CD300A: variants seen among roughly 807,000 people sequenced by gnomAD.
The protein encoded by CD300A is CMRF35-like molecule 8.
In CD300A, 22 loss-of-function variants were observed where a neutral mutation model predicts 33.6. That is an observed-to-expected ratio of 0.66 (90% CI 0.47 to 0.94). The LOEUF (loss-of-function observed/expected upper bound fraction) is 0.94. Among genes scored for constraint, CD300A ranks in the 40% least tolerant of loss-of-function variants. The pLI is 0.00. For missense variants in CD300A, 326 were observed against 360.5 expected, an observed-to-expected ratio of 0.90 and a Z score of 0.77; for synonymous variants, 136 against 148.1, an observed-to-expected ratio of 0.92 and a Z score of 0.59.
rs538156653 is a variant in CD300A, at chr17:74,472,629, A to T, written c.41-907A>T. Among the ~76,000 whole-genome samples the T allele has an allele frequency of 1.7e-4, 24 of 140,296 alleles. No homozygotes were observed. In the East Asian group the frequency reaches 4.5e-3, roughly 26 times the overall value. The allele number at this position is 140,296 out of a possible 152,430, so 92.0% of individuals were successfully genotyped here. On this transcript the variant is annotated intron_variant, in intron 1 of 6. Transcript: ENST00000360141. Reference sequence around the variant, plus strand: ...TTGTGACTCTTTTTTTTTTTTTTTGAGACAGAGTCTCACCCTGTCACTCAG... The same window carrying T: ...TTGTGACTCTTTTTTTTTTTTTTTGTGACAGAGTCTCACCCTGTCACTCAG...
Position 74,474,579 on chromosome 17 carries a change from A to G in CD300A, c.427A>G (p.Thr143Ala), listed in dbSNP as rs753800485. 37 of 1,614,074 alleles carry G rather than the reference A, an allele frequency of 2.3e-5. No homozygotes were observed. The highest frequency in any genetic ancestry group is 6.7e-5 in the East Asian group (3 of 44,896). Residue 143 changes from threonine to alanine, a missense_variant, in exon 3 of 7, where the codon ACA becomes GCA. Thr to Ala is a moderately conservative substitution (Grantham distance 58). Coordinates refer to ENST00000360141, the MANE Select transcript of CD300A (RefSeq NM_007261.4). The stretch of plus-strand genomic sequence containing the variant: ...AAGTATCACTGCGGCCAAGACCTCA[A>G]CAATCACAACTGCATTTCCACCTGT... Reference protein sequence around the residue: ...PASITAAKTSTITTAFPPVSS... With the variant: ...PASITAAKTSAITTAFPPVSS...
chr17:74,466,513 G>A (rs1302318548), upstream of CD300A: 12 of 636,826 alleles, frequency 1.9e-5, no homozygotes, highest in Non-Finnish European at 3.0e-5. Context: ...TTTCTAGGGA[G>A]TCTTAGTCGG....
intron 4 of CD300A, among the ~76,000 whole-genome samples, chr17:74,481,028 C>T (rs1422793088): frequency 6.6e-6 from 1 of 152,184 alleles, no homozygotes; most frequent in Admixed American, 6.5e-5. Context: ...GGATTACAGG[C>T]GTGAGCCACC....
At chr17:74,481,367 G>A (rs777692428) in intron 5 of CD300A, 41 bp downstream of exon 5, 42 of 1,594,660 alleles carry the variant, frequency 2.6e-5, no homozygotes, top group Admixed American at 1.2e-4. Flanking sequence ...GTGGCTGGGC[G>A]GAGGGTACAG....
At chr17:74,471,403 A>G (rs984874482) in intron 1 of CD300A, among the ~76,000 whole-genome samples, 9 of 152,308 alleles carry the variant, frequency 5.9e-5, no homozygotes, top group Middle Eastern at 6.8e-3. Context: ...AAAAAGTTTA[A>G]TATCAGCCAT....
At chr17:74,474,324 A>G (rs1182091454) in intron 2 of CD300A, among the ~76,000 whole-genome samples, 1 of 152,114 alleles carries the variant, frequency 6.6e-6, no homozygotes, top group African/African-American at 2.4e-5. Flanking sequence ...AGGATGGAAA[A>G]TCAGGACCAC....
chr17:74,473,451 C>T (rs988101136), intron 1 of CD300A, 85 bp from the exon 2 acceptor site: 6 of 1,323,628 alleles, frequency 4.5e-6, no homozygotes, highest in Admixed American at 2.1e-5. Context: ...CTCCACACCC[C>T]CAGGGTCCAT....
intron 4 of CD300A, among the ~76,000 whole-genome samples, chr17:74,478,051 G>A (rs1231227829): frequency 3.3e-5 from 5 of 152,008 alleles, no homozygotes; most frequent in African/African-American, 7.3e-5. Flanking sequence ...CCCCATCCGC[G>A]CACCCTGGAA....
chr17:74,482,732 T>TTCCTTCCTTCCTTCCTTCCTTCCTTCC, intron 6 of CD300A, among the ~76,000 whole-genome samples: 1 of 133,046 alleles, frequency 7.5e-6, no homozygotes, highest in African/African-American at 3.8e-5. Context: ...CTTTCTTTCT[T>TTCCTTCCTTCCTTCCTTCCTTCCTTCC]TGGAATCTCG....
intron 3 of CD300A, among the ~76,000 whole-genome samples, chr17:74,476,526 G>A (rs1398997013): frequency 2.6e-5 from 4 of 152,128 alleles, no homozygotes; most frequent in Non-Finnish European, 4.4e-5. Context: ...TGGTGGGTGG[G>A]TAATCTAAGA....
rs560325867 is a variant in CD300A at position 74,477,955 on chromosome 17, C to G, written c.628+425C>G. On this transcript the variant is annotated intron_variant, in intron 4 of 6. Transcript: ENST00000360141. Reference sequence around the variant, plus strand: ...CCCGTGTCTATAAGATAAAATAAACCCTTGCATGGTCTCCCCCACCATAAA... The same window carrying G: ...CCCGTGTCTATAAGATAAAATAAACGCTTGCATGGTCTCCCCCACCATAAA... Among the ~76,000 whole-genome samples, 11 of 152,250 alleles carry G rather than the reference C, an allele frequency of 7.2e-5. No homozygotes were observed. The East Asian group carries it at 2.1e-3, about 29-fold the overall frequency.
chr17:74,475,624 G>A (rs565997109), intron 3 of CD300A, among the ~76,000 whole-genome samples: 3 of 152,136 alleles, frequency 2.0e-5, no homozygotes, highest in East Asian at 1.9e-4. Flanking sequence ...TGGGATTCAC[G>A]GACTCCCTAT....
At chr17:74,472,609 ACT>A (rs969422565) in intron 1 of CD300A, among the ~76,000 whole-genome samples, 4 of 143,274 alleles carry the variant, frequency 2.8e-5, no homozygotes, top group Non-Finnish European at 6.1e-5. Context: ...TGCGTTTGTG[ACT>A]CTTTTTTTTT....
chr17:74,475,341 G>A (rs969001671), intron 3 of CD300A, among the ~76,000 whole-genome samples: 8 of 152,152 alleles, frequency 5.3e-5, no homozygotes, highest in African/African-American at 1.9e-4. Context: ...TACAATTCAA[G>A]ATGAGATTTG....
intron 4 of CD300A, among the ~76,000 whole-genome samples, chr17:74,479,065 G>A (rs1417941495): frequency 6.6e-6 from 1 of 152,002 alleles, no homozygotes; most frequent in Non-Finnish European, 1.5e-5. Flanking sequence ...AAGGATGTAT[G>A]TGATTATTGT....
At chr17:74,482,715 T>TTCC (rs1567985763) in intron 6 of CD300A, among the ~76,000 whole-genome samples, 1 of 134,042 alleles carries the variant, frequency 7.5e-6, no homozygotes, top group African/African-American at 3.3e-5. Context: ...TCTTTCTTTC[T>TTCC]TTCTTTCTTT....
At chr17:74,468,597 T>C (rs2144499300) in intron 1 of CD300A, among the ~76,000 whole-genome samples, 1 of 152,244 alleles carries the variant, frequency 6.6e-6, no homozygotes, top group African/African-American at 2.4e-5. Context: ...CCTCCCAAAA[T>C]GCAGGGATTA....
intron 1 of CD300A, chr17:74,470,304 C>G (rs1281194995): frequency 3.3e-6 from 3 of 896,680 alleles, no homozygotes; most frequent in Non-Finnish European, 4.0e-6. Flanking sequence ...TATAATGACA[C>G]CCTCACAGGT....
At chr17:74,468,252 T>A (rs1479896977) in intron 1 of CD300A, among the ~76,000 whole-genome samples, 1 of 152,148 alleles carries the variant, frequency 6.6e-6, no homozygotes, top group African/African-American at 2.4e-5. Flanking sequence ...CAGGCTGGTC[T>A]CAAACTCCCA....
Sources: gnomAD v4.1 joint callset for allele counts (sites outside exome capture counted in the v4.1 genomes callset) on GRCh38, gnomAD v4.1.1 for gene constraint, MANE v1.5 for transcripts, NCBI Gene and HGNC (gene_info 2026-07-23, HGNC 2026-07-21) for gene names.